Variants in PRMT2 observed in about 807,000 individuals in gnomAD.
PRMT2 encodes the protein protein arginine N-methyltransferase 2.
PRMT2 carries 26 observed loss-of-function variants against 57.6 expected under a neutral mutation model. The observed-to-expected ratio is 0.45, with a 90% confidence interval of 0.33 to 0.63. The LOEUF (loss-of-function observed/expected upper bound fraction) is 0.63, where lower values mean the gene tolerates loss of function less well. Among genes scored for constraint, PRMT2 ranks in the 20% least tolerant of loss-of-function variants. The pLI is 0.02. For missense variants in PRMT2, 472 were observed against 564.4 expected, an observed-to-expected ratio of 0.84 and a Z score of 1.66; for synonymous variants, 219 against 220.0, an observed-to-expected ratio of 1.00 and a Z score of 0.04.
At chr21:46,659,727 G>A in intron 8 of PRMT2, 1 of 985,408 alleles carries the variant, frequency 1.0e-6, no homozygotes, top group Non-Finnish European at 1.2e-6. Context: ...CCCAGTCACT[G>A]CCAGAGCCTC....
At position 46,645,509 on chromosome 21, in the gene PRMT2, T is replaced by C. The variant is rs138805891; in HGVS notation, c.327+1021T>C. On this transcript the variant is annotated intron_variant, in intron 5 of 11. Coordinates refer to ENST00000355680, the MANE Select transcript of PRMT2 (RefSeq NM_206962.4). ...CCAGCTTCTAAATAGCTTACCGAAATTTTTTCCCCACCATGGAGAAATGCC... is the reference window on the plus strand; with the variant it reads ...CCAGCTTCTAAATAGCTTACCGAAACTTTTTCCCCACCATGGAGAAATGCC... 1.7e-3 allele frequency among the ~76,000 whole-genome samples: 259 copies of C among 152,182 alleles called. 2 individuals carry two copies. Among genetic ancestry groups the C allele is most frequent in the Non-Finnish European group, 5.0e-4 (34 of 68,014 alleles).
intron 10 of PRMT2, among the ~76,000 whole-genome samples, chr21:46,662,993 C>T (rs919698994): frequency 2.6e-5 from 4 of 152,122 alleles, no homozygotes; most frequent in African/African-American, 7.2e-5. Context: ...GCCGGGGAGT[C>T]GACACCACAC....
chr21:46,641,162 T>C (rs1331789675), intron 3 of PRMT2, among the ~76,000 whole-genome samples: 1 of 149,454 alleles, frequency 6.7e-6, no homozygotes, highest in East Asian at 2.0e-4. Flanking sequence ...AACCCTGGCA[T>C]TCTATCCTGC....
chr21:46,652,992 A>G, intron 7 of PRMT2: 1 of 1,225,236 alleles, frequency 8.2e-7, no homozygotes, highest in Non-Finnish European at 1.1e-6. Flanking sequence ...AAGGTCACTG[A>G]GGATCTCCAT....
intron 3 of PRMT2, 69 bp downstream of exon 3, chr21:46,637,059 A>G: frequency 6.5e-7 from 1 of 1,536,226 alleles, no homozygotes; most frequent in South Asian, 1.1e-5. Flanking sequence ...GCTAAGCGTC[A>G]GCTCACAGAT....
In PRMT2 at chr21:46,664,412, C is replaced by G; in HGVS notation, c.*85C>G. On this transcript the variant is annotated 3_prime_UTR_variant, in exon 12 of 12. Transcript: ENST00000355680. ...AACCAAGTTGCACCTGGCTTCTGCA[C>G]ACTCCTGCGAAAGTCGGTGAACATT... 2 of 1,534,246 alleles carry G rather than the reference C, an allele frequency of 1.3e-6. No individual in the cohort carries two copies. Among genetic ancestry groups the G allele is most frequent in the Non-Finnish European group, 1.8e-6 (2 of 1,109,406 alleles).
chr21:46,647,177 C>T (rs541225370), intron 5 of PRMT2, among the ~76,000 whole-genome samples: 1 of 152,232 alleles, frequency 6.6e-6, no homozygotes, highest in South Asian at 2.1e-4. Flanking sequence ...GTTTTGATTT[C>T]CATTTTTTAA....
intron 3 of PRMT2, among the ~76,000 whole-genome samples, chr21:46,640,081 T>A (rs2061244464): frequency 6.6e-6 from 1 of 152,236 alleles, no homozygotes; most frequent in Admixed American, 6.5e-5. Flanking sequence ...GTATGCATCC[T>A]AATTCAATTT....
intron 3 of PRMT2, among the ~76,000 whole-genome samples, chr21:46,641,726 TG>T (rs2061279207): frequency 8.1e-6 from 1 of 123,974 alleles, no homozygotes; most frequent in Non-Finnish European, 1.9e-5. Context: ...AGCCTGTGTG[TG>T]TGTGTGTGTG....
chr21:46,660,104 T>A, intron 8 of PRMT2: 1 of 971,664 alleles, frequency 1.0e-6, no homozygotes, highest in Non-Finnish European at 1.2e-6. Context: ...AATGTGTAAA[T>A]ATAGTGGAAT....
intron 3 of PRMT2, among the ~76,000 whole-genome samples, chr21:46,639,865 A>G (rs1183943974): frequency 6.6e-6 from 1 of 152,130 alleles, no homozygotes; most frequent in Non-Finnish European, 1.5e-5. Context: ...TATTTAGTCT[A>G]TTAACACTTC....
chr21:46,661,146 CTTT>C (rs892507624), intron 9 of PRMT2, 184 bp downstream of exon 9: 2 of 559,144 alleles, frequency 3.6e-6, no homozygotes, highest in South Asian at 3.4e-5. Flanking sequence ...AGTCTTTTTT[CTTT>C]TTTACGTTCT....
At chr21:46,652,818 T>C (rs1366205825) in intron 7 of PRMT2, 11 of 1,268,958 alleles carry the variant, frequency 8.7e-6, no homozygotes, top group South Asian at 2.6e-5. Context: ...CAGGTGACAA[T>C]TGAGCCCTAA....
intron 3 of PRMT2, among the ~76,000 whole-genome samples, chr21:46,638,843 A>T (rs2061220290): frequency 6.6e-6 from 1 of 152,150 alleles, no homozygotes; most frequent in African/African-American, 2.4e-5. Context: ...TTATTTTTAT[A>T]AAGAACCAAT....
chr21:46,660,769 G>T (rs1001042801), intron 8 of PRMT2, 64 bp from the exon 9 acceptor site: 21 of 1,587,154 alleles, frequency 1.3e-5, no homozygotes, highest in Non-Finnish European at 1.8e-5. Context: ...GGTCCCACGT[G>T]TGTGTTTTGA....
chr21:46,661,063 G>GC, intron 9 of PRMT2, 101 bp downstream of exon 9: 1 of 1,181,334 alleles, frequency 8.5e-7, no homozygotes, highest in Non-Finnish European at 1.2e-6. Flanking sequence ...AGTGCTGGGG[G>GC]TGTGAGTGAA....
chr21:46,664,670 G>A lies in PRMT2; in HGVS notation c.*343G>A, dbSNP rs1055616013. On this transcript the variant is annotated 3_prime_UTR_variant, in exon 12 of 12. Transcript: ENST00000355680. ...CTAGGTCTACACTCCTAGGACGCAC[G>A]CATATCAGCCCGTGTACCCTGTGAC... 31 of 363,722 alleles carry A rather than the reference G, an allele frequency of 8.5e-5. No individual in the cohort carries two copies. Among genetic ancestry groups the A allele is most frequent in the Middle Eastern group, 1.7e-3 (2 of 1,206 alleles). The allele number at this position is 363,722 out of a possible 1,614,324, so 22.5% of individuals were successfully genotyped here.
At chr21:46,662,547 C>T (rs886885814) in intron 10 of PRMT2, among the ~76,000 whole-genome samples, 1 of 152,302 alleles carries the variant, frequency 6.6e-6, no homozygotes, top group Admixed American at 6.5e-5. Flanking sequence ...TGTGGTGGCC[C>T]CTCCAGTGCC....
chr21:46,637,622 ATTAT>A (rs1432643506), intron 3 of PRMT2, among the ~76,000 whole-genome samples: 1 of 151,926 alleles, frequency 6.6e-6, no homozygotes, highest in East Asian at 1.9e-4. Context: ...AATTTCTTTA[ATTAT>A]TCATAAAATG....
Sources: gnomAD v4.1 joint callset for allele counts (sites outside exome capture counted in the v4.1 genomes callset) on GRCh38, gnomAD v4.1.1 for gene constraint, MANE v1.5 for transcripts, NCBI Gene and HGNC (gene_info 2026-07-23, HGNC 2026-07-21) for gene names.